STK3: variants seen among roughly 807,000 people sequenced by gnomAD.
The protein encoded by STK3 is serine/threonine-protein kinase 3.
Under a neutral mutation model 58.0 loss-of-function variants are expected in STK3, and 41 were observed. The ratio of observed to expected loss-of-function variants is 0.71; its 90% CI spans 0.55 to 0.92. STK3 has a LOEUF of 0.92. STK3 is among the 40% of genes least tolerant of loss of function. The pLI is 0.00. For missense variants in STK3, 479 were observed against 602.7 expected, an observed-to-expected ratio of 0.79 and a Z score of 2.15; for synonymous variants, 170 against 191.0, an observed-to-expected ratio of 0.89 and a Z score of 0.91.
chr8:98,857,673 A>G (rs529356624), intron 3 of STK3, among the ~76,000 whole-genome samples: 4 of 152,356 alleles, frequency 2.6e-5, no homozygotes, highest in African/African-American at 9.6e-5. Context: ...AGTCCATTTA[A>G]AACTTCTAAA....
chr8:98,500,567 G>A (rs1216252473), intron 10 of STK3, among the ~76,000 whole-genome samples: 1 of 151,894 alleles, frequency 6.6e-6, no homozygotes, highest in Non-Finnish European at 1.5e-5. Flanking sequence ...CTGTGTCCAA[G>A]TGTTCTCACT....
upstream of STK3, among the ~76,000 whole-genome samples, chr8:98,826,909 G>A (rs1835334489): frequency 7.2e-6 from 1 of 139,314 alleles, no homozygotes; most frequent in East Asian, 2.2e-4. Flanking sequence ...TGTACTCCCA[G>A]CTGCTTGGGA....
intron 10 of STK3, among the ~76,000 whole-genome samples, chr8:98,502,754 T>C (rs771381130): frequency 8.4e-4 from 128 of 152,282 alleles, no homozygotes; most frequent in South Asian, 2.7e-3. Flanking sequence ...GGGATGAAGC[T>C]GACTTGATCA....
intron 9 of STK3, among the ~76,000 whole-genome samples, chr8:98,543,402 C>G (rs1281949248): frequency 1.3e-5 from 2 of 151,932 alleles, no homozygotes; most frequent in Non-Finnish European, 2.9e-5. Context: ...AGATTGGAGG[C>G]AGAGGATCAG....
chr8:98,651,316 G>T (rs1370719509), intron 6 of STK3: 1 of 152,242 alleles, frequency 6.6e-6, no homozygotes, highest in South Asian at 2.1e-4. Flanking sequence ...AAACAGAAAG[G>T]ACATCCACAC....
intron 6 of STK3, among the ~76,000 whole-genome samples, chr8:98,678,905 A>G (rs1245821021): frequency 6.6e-6 from 1 of 152,206 alleles, no homozygotes; most frequent in Non-Finnish European, 1.5e-5. Flanking sequence ...AATAAACTCT[A>G]TATTTCATTC....
chr8:98,847,184 G>C (rs953589858), intron 3 of STK3, among the ~76,000 whole-genome samples: 1 of 152,188 alleles, frequency 6.6e-6, no homozygotes, highest in East Asian at 1.9e-4. Context: ...CGCTATGATT[G>C]CATCTGTGAA....
intron 10 of STK3, among the ~76,000 whole-genome samples, chr8:98,493,640 T>C (rs1822887575): frequency 1.3e-5 from 2 of 152,064 alleles, no homozygotes; most frequent in South Asian, 4.2e-4. Context: ...CTAATATTAT[T>C]CTCCCTCTAT....
At chr8:98,778,671 A>G (rs1011173042) in intron 1 of STK3, among the ~76,000 whole-genome samples, 3 of 152,212 alleles carry the variant, frequency 2.0e-5, no homozygotes, top group African/African-American at 7.2e-5. Context: ...AAAATGTGGT[A>G]CATATACACC....
chr8:98,730,499 C>T (rs954966878), intron 4 of STK3, among the ~76,000 whole-genome samples: 1 of 152,034 alleles, frequency 6.6e-6, no homozygotes, highest in Admixed American at 6.5e-5. Flanking sequence ...GGGTGGATCA[C>T]CTGAGGTCAG....
intron 3 of STK3, among the ~76,000 whole-genome samples, chr8:98,407,833 G>T (rs1586550889): frequency 1.3e-5 from 2 of 152,102 alleles, no homozygotes; most frequent in Admixed American, 1.3e-4. Flanking sequence ...GCTTTATGCT[G>T]TCACATCTCA....
At chr8:98,522,680 A>C (rs1825455403) in intron 10 of STK3, among the ~76,000 whole-genome samples, 1 of 152,198 alleles carries the variant, frequency 6.6e-6, no homozygotes, top group African/African-American at 2.4e-5. Flanking sequence ...GCAAAACGGA[A>C]ACTCTGTACC....
At chr8:98,694,625 T>G (rs1296443999) in intron 6 of STK3, among the ~76,000 whole-genome samples, 3 of 152,314 alleles carry the variant, frequency 2.0e-5, no homozygotes, top group East Asian at 3.9e-4. Context: ...CTTGCGATAG[T>G]TTACTGAGAA....
intron 8 of STK3, among the ~76,000 whole-genome samples, chr8:98,567,126 C>G (rs1255287896): frequency 6.6e-6 from 1 of 152,104 alleles, no homozygotes; most frequent in East Asian, 1.9e-4. Context: ...AACAAGGGGT[C>G]CAAGCTTGTA....
At chr8:98,357,025 A>C in the STK3 span, among the ~76,000 whole-genome samples, 12 of 152,220 alleles carry the variant, frequency 7.9e-5, no homozygotes, top group Non-Finnish European at 1.3e-4. Context: ...TGGTGTTTAT[A>C]ACCATTTTCA....
chr8:98,582,581 C>A (rs139771609), intron 7 of STK3, among the ~76,000 whole-genome samples: 1 of 151,868 alleles, frequency 6.6e-6, no homozygotes, highest in African/African-American at 2.4e-5. Context: ...CTCCCAACAC[C>A]CCCTAAAGGC....
At chr8:98,410,787 C>T (rs1450655113) in intron 3 of STK3, among the ~76,000 whole-genome samples, 1 of 152,132 alleles carries the variant, frequency 6.6e-6, no homozygotes, top group Non-Finnish European at 1.5e-5. Flanking sequence ...TCTACAAAAA[C>T]AAAATCTTTC....
chr8:98,719,859 G>A (rs1157575893), intron 4 of STK3, among the ~76,000 whole-genome samples: 4 of 152,196 alleles, frequency 2.6e-5, no homozygotes, highest in Non-Finnish European at 5.9e-5. Context: ...TGTTAAAGGT[G>A]GAGAGTGCAG....
chr8:98,502,031 C>A (rs1041497837), intron 10 of STK3, among the ~76,000 whole-genome samples: 1 of 152,190 alleles, frequency 6.6e-6, no homozygotes, highest in East Asian at 1.9e-4. Context: ...TGCCTCCTAT[C>A]CATGAGCAAG....
Sources: gnomAD v4.1 joint callset for allele counts (sites outside exome capture counted in the v4.1 genomes callset) on GRCh38, gnomAD v4.1.1 for gene constraint, MANE v1.5 for transcripts, NCBI Gene and HGNC (gene_info 2026-07-23, HGNC 2026-07-21) for gene names.